The following TUSC3 variants were observed in gnomAD, a reference collection of about 807,000 sequenced individuals.
The protein encoded by TUSC3 is tumor suppressor candidate 3.
TUSC3 carries 45 observed loss-of-function variants against 44.8 expected under a neutral mutation model. The observed-to-expected ratio is 1.00, with a 90% CI of 0.79 to 1.29. TUSC3 has a LOEUF of 1.29. Among genes scored for constraint, TUSC3 ranks in the 50% most tolerant of loss-of-function variants. The pLI is 0.00. For missense variants in TUSC3, 519 were observed against 437.9 expected (o/e 1.19, Z -1.65); for synonymous variants, 212 against 152.9 (o/e 1.39, Z -2.85).
chr8:15,690,378 T>C (rs1808846650), intron 6 of TUSC3, among the ~76,000 whole-genome samples: 1 of 152,144 alleles, frequency 6.6e-6, no homozygotes, highest in African/African-American at 2.4e-5. Flanking sequence ...TTATTTAAGT[T>C]TCTTACAAAT....
At chr8:15,443,345 T>A (rs1209362534) in intron 1 of TUSC3, among the ~76,000 whole-genome samples, 1 of 106,150 alleles carries the variant, frequency 9.4e-6, no homozygotes, top group Non-Finnish European at 2.2e-5. Flanking sequence ...ATTGTGTGTG[T>A]GTGTGTGTGT....
At chr8:15,782,703 C>G in the TUSC3 span, among the ~76,000 whole-genome samples, 1 of 152,086 alleles carries the variant, frequency 6.6e-6, no homozygotes, top group Admixed American at 6.5e-5. Flanking sequence ...ATGATAAAAA[C>G]TCTCATCAAA....
intron 6 of TUSC3, among the ~76,000 whole-genome samples, chr8:15,687,334 C>G (rs1189775388): frequency 1.3e-5 from 2 of 152,134 alleles, no homozygotes; most frequent in Non-Finnish European, 2.9e-5. Context: ...AGCCTCGCTT[C>G]TTATTGAGTT....
intron 5 of TUSC3, among the ~76,000 whole-genome samples, chr8:15,663,821 C>T (rs1807533499): frequency 6.6e-6 from 1 of 151,778 alleles, no homozygotes; most frequent in Admixed American, 6.6e-5. Context: ...TTTCAAGTTG[C>T]TTAATTCAGT....
At chr8:15,795,116 C>T in the TUSC3 span, among the ~76,000 whole-genome samples, 6 of 152,072 alleles carry the variant, frequency 3.9e-5, no homozygotes, top group Non-Finnish European at 8.8e-5. Context: ...AACAAGATTC[C>T]AAGCAGCAGT....
chr8:15,817,333 A>G, the TUSC3 span, among the ~76,000 whole-genome samples: 1 of 121,910 alleles, frequency 8.2e-6, no homozygotes, highest in Non-Finnish European at 1.7e-5. Context: ...CCAGAGAAGA[A>G]AGAAATTAAG....
At chr8:15,451,758 C>T (rs985670691) in intron 1 of TUSC3, among the ~76,000 whole-genome samples, 23 of 152,026 alleles carry the variant, frequency 1.5e-4, no homozygotes, top group African/African-American at 5.6e-4. Flanking sequence ...TGACTGAGTC[C>T]TTCACCTGTG....
At chr8:15,472,811 G>T (rs185380290) in intron 1 of TUSC3, among the ~76,000 whole-genome samples, 1 of 152,140 alleles carries the variant, frequency 6.6e-6, no homozygotes, top group African/African-American at 2.4e-5. Flanking sequence ...AATATTTTAT[G>T]CCATTAAATG....
chr8:15,843,220 A>G, the TUSC3 span, among the ~76,000 whole-genome samples: 35 of 152,174 alleles, frequency 2.3e-4, no homozygotes, highest in Non-Finnish European at 4.4e-4. Flanking sequence ...ACACTACAAT[A>G]CATTAGTTAA....
At chr8:15,707,531 C>T (rs896430259) in intron 6 of TUSC3, among the ~76,000 whole-genome samples, 11 of 151,904 alleles carry the variant, frequency 7.2e-5, no homozygotes, top group African/African-American at 2.4e-4. Context: ...GATGTTTTCC[C>T]AGGCCTGTAG....
At chr8:15,552,162 A>G (rs545061040) in intron 1 of TUSC3, among the ~76,000 whole-genome samples, 4 of 151,986 alleles carry the variant, frequency 2.6e-5, no homozygotes, top group Non-Finnish European at 5.9e-5. Context: ...TTACGTAGAA[A>G]TACTATTATT....
At chr8:15,487,057 C>A (rs888429095) in intron 2 of TUSC3, among the ~76,000 whole-genome samples, 1 of 152,164 alleles carries the variant, frequency 6.6e-6, no homozygotes, top group African/African-American at 2.4e-5. Flanking sequence ...TTATTAGCTT[C>A]CCTTCTTCTA....
At position 15,748,416 on chromosome 8, in the gene TUSC3, A is replaced by G; in HGVS notation, c.979A>G (p.Ser327Gly). 6.2e-7 allele frequency: 1 copy of G among 1,613,460 alleles called. No homozygotes were observed. Among genetic ancestry groups the G allele is most frequent in the Non-Finnish European group, 8.5e-7 (1 of 1,179,564 alleles). Residue 327 changes from serine to glycine, a missense_variant, in exon 9 of 11, where the codon AGT becomes GGT. Coordinates refer to ENST00000503731, the MANE Select transcript of TUSC3 (RefSeq NM_006765.4). ...VGLGLVVFFF[S>G]FLLSIFRSKY... ...ATTGGGCCTGGTGGTCTTCTTCTTC[A>G]GTTTTCTACTTTCAATATTTCGTTC...
At chr8:15,669,693 T>C (rs1585211845) in intron 5 of TUSC3, among the ~76,000 whole-genome samples, 1 of 151,706 alleles carries the variant, frequency 6.6e-6, no homozygotes, top group South Asian at 2.1e-4. Context: ...AAAAACAAAA[T>C]AGAAGGGAAT....
chr8:15,727,706 G>C (rs115680590), intron 6 of TUSC3, among the ~76,000 whole-genome samples: 153 of 152,312 alleles, frequency 1.0e-3, no homozygotes, highest in African/African-American at 3.6e-3. Flanking sequence ...AATGCTGTTT[G>C]TTTAGAAGAT....
intron 1 of TUSC3, among the ~76,000 whole-genome samples, chr8:15,460,390 G>A (rs116344561): frequency 0.019 from 2,962 of 152,000 alleles, 175 homozygotes; most frequent in East Asian, 0.14. Context: ...GGGATTGCTT[G>A]TTTTTTTATC....
At chr8:15,472,423 TA>T (rs1317651154) in intron 1 of TUSC3, among the ~76,000 whole-genome samples, 1 of 152,230 alleles carries the variant, frequency 6.6e-6, no homozygotes, top group Non-Finnish European at 1.5e-5. Context: ...GCCATTGCTA[TA>T]AGTAAATCAT....
intron 2 of TUSC3, among the ~76,000 whole-genome samples, chr8:15,495,083 C>T (rs1800863548): frequency 6.6e-6 from 1 of 152,148 alleles, no homozygotes; most frequent in African/African-American, 2.4e-5. Flanking sequence ...AATACAGGAT[C>T]TCATTCTTTT....
intron 6 of TUSC3, among the ~76,000 whole-genome samples, chr8:15,693,465 T>A (rs935252700): frequency 7.0e-6 from 1 of 143,318 alleles, no homozygotes; most frequent in African/African-American, 2.7e-5. Flanking sequence ...TTTTTTTTTT[T>A]AAAGAATGCT....
Sources: allele counts gnomAD v4.1 joint callset (sites outside exome capture counted in the v4.1 genomes callset), GRCh38; gene constraint gnomAD v4.1.1; transcripts MANE v1.5; gene names NCBI Gene and HGNC (gene_info 2026-07-23, HGNC 2026-07-21).